Variants in GLI2 observed in about 807,000 individuals in gnomAD.
The protein encoded by GLI2 is transcription activator GLI2.
A neutral mutation model predicts 78.9 loss-of-function variants in GLI2; 22 were observed. The observed-to-expected ratio is 0.28, with a 90% CI of 0.20 to 0.40. The LOEUF is 0.40. Among genes scored for constraint, GLI2 ranks in the 10% least tolerant of loss-of-function variants. The pLI is 1.00. For missense variants in GLI2, 2,097 were observed against 2,213.2 expected (o/e 0.95, Z 1.05); for synonymous variants, 974 against 963.7 (o/e 1.01, Z -0.20).
At chr2:120,771,768 G>C (rs893983343) in intron 1 of GLI2, among the ~76,000 whole-genome samples, 16 of 152,218 alleles carry the variant, frequency 1.1e-4, no homozygotes, top group Non-Finnish European at 1.9e-4. Context: ...CTGCCTTCCA[G>C]AGGGGCCACT....
Position 120,797,470 on chromosome 2 carries a change from T to C in GLI2, c.148+2T>C. On this transcript the variant is annotated splice_donor_variant, in intron 2 of 13. Coordinates refer to ENST00000361492, the MANE Select transcript of GLI2 (RefSeq NM_001374353.1). LOFTEE classifies it high-confidence loss of function. Reference sequence around the variant, plus strand: ...CAGCAGCGGTAGCTGCCCAAGGAGGTACTTTCTGTTTCGCACACTTGGAGG... The same window carrying C: ...CAGCAGCGGTAGCTGCCCAAGGAGGCACTTTCTGTTTCGCACACTTGGAGG... 1 of 1,613,386 alleles carries C rather than the reference T, an allele frequency of 6.2e-7. No homozygotes were observed. The highest frequency in any genetic ancestry group is 1.1e-5 in the South Asian group (1 of 91,060).
At chr2:120,912,860 G>A (rs1032429051) in intron 2 of GLI2, among the ~76,000 whole-genome samples, 2 of 152,166 alleles carry the variant, frequency 1.3e-5, no homozygotes, top group African/African-American at 4.8e-5. Flanking sequence ...GACCAGCTCT[G>A]CGCGGAGAGG....
intron 2 of GLI2, among the ~76,000 whole-genome samples, chr2:120,799,140 C>T (rs1019143508): frequency 1.3e-5 from 2 of 152,178 alleles, no homozygotes; most frequent in African/African-American, 4.8e-5. Flanking sequence ...ATTATTGGTG[C>T]AATAGCAACA....
At chr2:120,823,009 G>A (rs1388294170) in intron 2 of GLI2, among the ~76,000 whole-genome samples, 1 of 152,142 alleles carries the variant, frequency 6.6e-6, no homozygotes, top group East Asian at 1.9e-4. Flanking sequence ...CACCTGGACA[G>A]GTGTGCACAG....
At chr2:120,868,524 G>C (rs541229983) in intron 2 of GLI2, among the ~76,000 whole-genome samples, 71 of 152,326 alleles carry the variant, frequency 4.7e-4, no homozygotes, top group African/African-American at 1.7e-3. Context: ...AGGTGATGCT[G>C]CCCCTAAGGC....
chr2:120,742,138 T>C (rs760112581), intron 1 of GLI2, among the ~76,000 whole-genome samples: 87 of 152,108 alleles, frequency 5.7e-4, no homozygotes, highest in Admixed American at 9.1e-4. Flanking sequence ...TGGTGGCGTC[T>C]GAAACTTTTT....
intron 8 of GLI2, 65 bp downstream of exon 8, chr2:120,972,128 C>T: frequency 6.3e-7 from 1 of 1,583,070 alleles, no homozygotes; most frequent in Non-Finnish European, 8.7e-7. Flanking sequence ...TGCCTTGGGG[C>T]TGTACCCTTG....
chr2:120,976,848 G>A (rs1165436785), intron 9 of GLI2, among the ~76,000 whole-genome samples: 1 of 152,198 alleles, frequency 6.6e-6, no homozygotes, highest in Non-Finnish European at 1.5e-5. Context: ...GTTTCTCTCT[G>A]CTCCCTGGAA....
At chr2:120,902,651 C>T (rs938131669) in intron 2 of GLI2, among the ~76,000 whole-genome samples, 1 of 152,184 alleles carries the variant, frequency 6.6e-6, no homozygotes, top group Non-Finnish European at 1.5e-5. Flanking sequence ...TGACATTAGC[C>T]AGAGCCCTCC....
intron 1 of GLI2, among the ~76,000 whole-genome samples, chr2:120,739,709 C>T (rs1385704321): frequency 2.6e-5 from 4 of 152,220 alleles, no homozygotes; most frequent in Non-Finnish European, 5.9e-5. Flanking sequence ...GGAGCACTTC[C>T]CCCCTTTCTT....
At chr2:120,920,826 A>G (rs566802429) in intron 2 of GLI2, among the ~76,000 whole-genome samples, 3 of 148,188 alleles carry the variant, frequency 2.0e-5, no homozygotes, top group Non-Finnish European at 1.5e-5. Context: ...CGGGGTGTGT[A>G]TGTTTTCAGG....
intron 2 of GLI2, among the ~76,000 whole-genome samples, chr2:120,868,554 C>G (rs1317881550): frequency 6.6e-6 from 1 of 152,200 alleles, no homozygotes; most frequent in African/African-American, 2.4e-5. Flanking sequence ...AAGGAACAGG[C>G]AGGGGCAGCT....
At chr2:120,838,278 A>G (rs1031475570) in intron 2 of GLI2, among the ~76,000 whole-genome samples, 1 of 152,180 alleles carries the variant, frequency 6.6e-6, no homozygotes, top group Non-Finnish European at 1.5e-5. Context: ...ACATATATAT[A>G]TGTTTAAAAA....
Position 120,737,348 on chromosome 2 carries a change from TG to T in GLI2, c.-31+1067del, listed in dbSNP as rs1292781691. On this transcript the variant is annotated intron_variant, in intron 1 of 13. Coordinates refer to ENST00000361492, the MANE Select transcript of GLI2 (RefSeq NM_001374353.1). The surrounding 1 kb of genome is among the most constrained non-coding windows in gnomAD (Gnocchi z 4.3). ...ACCCGACTTTTACCGCGCGGGGAGCTGGGGATGGAGCCCGTGCGCCTCACCC... is the reference window on the plus strand; with the variant it reads ...ACCCGACTTTTACCGCGCGGGGAGCTGGGATGGAGCCCGTGCGCCTCACCC... Among the ~76,000 whole-genome samples, 1 of 152,012 alleles carries T rather than the reference TG, an allele frequency of 6.6e-6. No homozygotes were observed.
At chr2:120,847,415 T>C (rs1687171778) in intron 2 of GLI2, among the ~76,000 whole-genome samples, 1 of 152,040 alleles carries the variant, frequency 6.6e-6, no homozygotes, top group African/African-American at 2.4e-5. Context: ...CGTTTCGAGG[T>C]ATGAGAGGGA....
At chr2:120,837,416 T>G (rs145640047) in intron 2 of GLI2, among the ~76,000 whole-genome samples, 2,018 of 134,932 alleles carry the variant, frequency 0.015, 39 homozygotes, top group African/African-American at 0.052. Flanking sequence ...AAAAAAAAAG[T>G]CTTAATCTTG....
intron 2 of GLI2, among the ~76,000 whole-genome samples, chr2:120,914,569 A>G (rs1429994317): frequency 6.6e-6 from 1 of 152,200 alleles, no homozygotes; most frequent in East Asian, 1.9e-4. Flanking sequence ...GTGGGACTCT[A>G]CATGTCTACC....
At chr2:120,781,242 C>T (rs545753943) in intron 1 of GLI2, among the ~76,000 whole-genome samples, 132 of 152,210 alleles carry the variant, frequency 8.7e-4, no homozygotes, top group Middle Eastern at 3.4e-3. Flanking sequence ...CCTTTGAGTG[C>T]GGGGGGATGA....
chr2:120,769,605 T>C (rs774970810), intron 1 of GLI2, among the ~76,000 whole-genome samples: 5 of 152,148 alleles, frequency 3.3e-5, no homozygotes, highest in South Asian at 2.1e-4. Flanking sequence ...AAGCTCAGAG[T>C]CTTGCCCCTG....
Sources: allele counts gnomAD v4.1 joint callset (sites outside exome capture counted in the v4.1 genomes callset), GRCh38; gene constraint gnomAD v4.1.1; non-coding constraint Gnocchi (gnomAD v3.1); transcripts MANE v1.5; gene names NCBI Gene and HGNC (gene_info 2026-07-23, HGNC 2026-07-21).